MS4A18: variants seen among roughly 807,000 people sequenced by gnomAD.
MS4A18 encodes membrane-spanning 4-domains subfamily A member 18.
In MS4A18, 27 loss-of-function variants were observed where a neutral mutation model predicts 13.1. The ratio of observed to expected loss-of-function variants is 2.06; its 90% CI spans 1.52 to 2.84. The LOEUF (loss-of-function observed/expected upper bound fraction) is 2.84. Among genes scored for constraint, MS4A18 ranks in the 30% most tolerant of loss-of-function variants. The probability of loss-of-function intolerance (pLI) is 0.00; values close to 1 mark genes in which losing one functional copy is unlikely to be tolerated. For synonymous variants in MS4A18, 126 were observed against 76.5 expected (o/e 1.65, Z -3.38); for missense variants, 307 against 196.4 (o/e 1.56, Z -3.37).
upstream of MS4A18, among the ~76,000 whole-genome samples, chr11:60,727,975 A>T (rs990155396): frequency 6.6e-6 from 1 of 152,182 alleles, no homozygotes; most frequent in Non-Finnish European, 1.5e-5. Context: ...AATGCTCAAG[A>T]TTCAGTAGAA....
At position 60,735,661 on chromosome 11, in the gene MS4A18, C is replaced by CTTTTTTTTTT. The variant is rs1167113182; in HGVS notation, c.592-1304_592-1295dup. Reference sequence around the variant, plus strand: ...CGATTTAATGTTTTTCATTCCCTTGCTTTTTTTTTTTTTTTTTTTTTTGAG... The same window carrying CTTTTTTTTTT: ...CGATTTAATGTTTTTCATTCCCTTGCTTTTTTTTTTTTTTTTTTTTTTTTTTTTTTTTGAG... On this transcript the variant is annotated intron_variant, in intron 2 of 5. Transcript: ENST00000529108. Among the ~76,000 whole-genome samples, 15 of 90,108 alleles carry CTTTTTTTTTT rather than the reference C, an allele frequency of 1.7e-4. 1 individual carries two copies. Among genetic ancestry groups the CTTTTTTTTTT allele is most frequent in the African/African-American group, 7.1e-4 (14 of 19,814 alleles). The allele number at this position is 90,108 out of a possible 152,430, so 59.1% of individuals were successfully genotyped here. A position where few individuals can be genotyped will look rare whatever the true frequency, so the allele number is the denominator to read the frequency against.
rs557221082 is a variant in MS4A18 at position 60,733,494 on chromosome 11, C to T, written c.478-40C>T. On this transcript the variant is annotated intron_variant, in intron 1 of 5. Coordinates refer to ENST00000529108, the Ensembl canonical transcript of MS4A18. ...AGCACAGCTCCACAGCCCACAGGCC[C>T]GCAGTTCTGCTCTCTCACAGTGACT... is the stretch of plus-strand genomic sequence containing the variant. 779 of 702,994 alleles carry T rather than the reference C, an allele frequency of 1.1e-3. 6 individuals are homozygous for T. Among genetic ancestry groups the T allele is most frequent in the South Asian group, 0.011 (727 of 67,576 alleles). The allele number at this position is 702,994 out of a possible 1,614,324, so 43.5% of individuals were successfully genotyped here.
chr11:60,728,638 T>A (rs539494652), upstream of MS4A18, among the ~76,000 whole-genome samples: 1 of 152,058 alleles, frequency 6.6e-6, no homozygotes, highest in East Asian at 1.9e-4. Context: ...TGCGTGTGTG[T>A]CTGTCTGTCT....
At chr11:60,731,993 G>T (rs953063308) in intron 1 of MS4A18, among the ~76,000 whole-genome samples, 5 of 152,124 alleles carry the variant, frequency 3.3e-5, no homozygotes, top group South Asian at 4.2e-4. Context: ...CAAGCATGTC[G>T]CCTTAGGAAG....
intron 1 of MS4A18, 41 bp from the exon 3 acceptor site, chr11:60,733,493 C>A (rs1240497294): frequency 1.4e-6 from 1 of 703,058 alleles, no homozygotes; most frequent in Non-Finnish European, 2.6e-6. Flanking sequence ...GCCCACAGGC[C>A]CGCAGTTCTG....
downstream of MS4A18, among the ~76,000 whole-genome samples, chr11:60,744,636 C>T (rs1244003408): frequency 1.3e-5 from 2 of 151,896 alleles, no homozygotes; most frequent in Non-Finnish European, 2.9e-5. Flanking sequence ...GACATGTTTC[C>T]ACAATATATA....
At chr11:60,734,784 C>CTTTTTTT (rs546950110) in intron 2 of MS4A18, among the ~76,000 whole-genome samples, 1 of 138,842 alleles carries the variant, frequency 7.2e-6, no homozygotes, top group African/African-American at 2.6e-5. Flanking sequence ...CTTTTCTTTT[C>CTTTTTTT]TTTTTTTTTT....
chr11:60,744,522 T>C (rs1440019213), downstream of MS4A18, among the ~76,000 whole-genome samples: 1 of 152,200 alleles, frequency 6.6e-6, no homozygotes, highest in Admixed American at 6.5e-5. Context: ...AAAAAATCAA[T>C]AAGTTGGACT....
intron 2 of MS4A18, among the ~76,000 whole-genome samples, chr11:60,735,126 A>AT (rs1396216942): frequency 4.6e-5 from 7 of 152,144 alleles, no homozygotes; most frequent in Admixed American, 2.0e-4. Context: ...AAACACTTGA[A>AT]GGGGTTTGAA....
At chr11:60,732,367 T>C (rs763709772) in intron 1 of MS4A18, among the ~76,000 whole-genome samples, 1 of 151,854 alleles carries the variant, frequency 6.6e-6, no homozygotes, top group Non-Finnish European at 1.5e-5. Flanking sequence ...GGGGACGTCA[T>C]AGAGGAGGCC....
upstream of MS4A18, among the ~76,000 whole-genome samples, chr11:60,727,718 G>A (rs1467344906): frequency 6.6e-6 from 1 of 152,102 alleles, no homozygotes; most frequent in African/African-American, 2.4e-5. Context: ...AAAGGGATAA[G>A]CCCACCAGCC....
intron 5 of MS4A18, 77 bp from the exon 7 acceptor site, chr11:60,743,573 A>G (rs1853438954): frequency 1.5e-6 from 1 of 660,854 alleles, no homozygotes; most frequent in East Asian, 2.7e-5. Context: ...ATGGAAACAG[A>G]AGGAAGAAAA....
intron 2 of MS4A18, among the ~76,000 whole-genome samples, chr11:60,735,233 T>C (rs1853316375): frequency 6.6e-6 from 1 of 152,186 alleles, no homozygotes; most frequent in South Asian, 2.1e-4. Flanking sequence ...ACCACCTAAC[T>C]TAAAAAACAA....
upstream of MS4A18, among the ~76,000 whole-genome samples, chr11:60,726,094 C>A (rs150212292): frequency 1.2e-3 from 177 of 152,256 alleles, no homozygotes; most frequent in African/African-American, 4.2e-3. Flanking sequence ...ATGCAAATAG[C>A]AGTCAGAAAA....
chr11:60,733,760 G>C (rs899472532), intron 2 of MS4A18, 113 bp downstream of exon 3: 6 of 679,760 alleles, frequency 8.8e-6, no homozygotes, highest in African/African-American at 3.5e-5. Flanking sequence ...CTGTAGACTA[G>C]AGCCAGCCTC....
chr11:60,738,762 A>C, intron 3 of MS4A18, 140 bp from the exon 5 acceptor site: 1 of 591,010 alleles, frequency 1.7e-6, no homozygotes, highest in Non-Finnish European at 3.0e-6. Flanking sequence ...CTATCGCTAA[A>C]ATAAATGCTT....
chr11:60,729,808 C>G (rs1380876182), intron 1 of MS4A18, 22 bp downstream of exon 2: 4 of 676,096 alleles, frequency 5.9e-6, no homozygotes, highest in Admixed American at 2.1e-5. Context: ...TTCTCCTTCT[C>G]TCCGATTTGG....
chr11:60,735,144 T>C (rs1372745556), intron 2 of MS4A18, among the ~76,000 whole-genome samples: 2 of 152,180 alleles, frequency 1.3e-5, no homozygotes, highest in East Asian at 3.8e-4. Flanking sequence ...GAATGGTATG[T>C]TTTAAGTTGT....
intron 4 of MS4A18, among the ~76,000 whole-genome samples, chr11:60,740,196 C>T (rs925642541): frequency 6.6e-6 from 1 of 152,214 alleles, no homozygotes; most frequent in Non-Finnish European, 1.5e-5. Flanking sequence ...AAGGAGCATA[C>T]TAGTGCAGTG....
Sources: allele counts gnomAD v4.1 joint callset (sites outside exome capture counted in the v4.1 genomes callset), GRCh38; gene constraint gnomAD v4.1.1; transcripts MANE v1.5; gene names NCBI Gene and HGNC (gene_info 2026-07-23, HGNC 2026-07-21).